Variants in PLA2G4D observed in about 807,000 individuals in gnomAD.
PLA2G4D encodes cytosolic phospholipase A2 delta.
In PLA2G4D, 80 loss-of-function variants were observed where a neutral mutation model predicts 94.4. That is an observed-to-expected ratio of 0.85 (90% CI 0.71 to 1.02). The LOEUF is 1.02. Among genes scored for constraint, PLA2G4D ranks in the 50% least tolerant of loss-of-function variants. The pLI is 0.00. For synonymous variants in PLA2G4D, 438 were observed against 440.9 expected, an observed-to-expected ratio of 0.99 and a Z score of 0.08; for missense variants, 1,050 against 1,034.7, an observed-to-expected ratio of 1.01 and a Z score of -0.20.
rs773408671 is a variant in PLA2G4D, at chr15:42,071,166, C to T, written c.1833G>A (p.Leu611=). The change falls in exon 17 of 20, where the codon CTG becomes CTA. Residue 611 remains leucine (L), a synonymous_variant. Transcript: ENST00000290472. ...CTTTGTGGCTACAGTAGTCCTGGTG[C>T]AGCTGGAGGCCCTGGAGGAAGTTGG... ...RSPNFLQGLQ[L]HQDYCSHKDF... 32 of 1,612,938 alleles carry T rather than the reference C, an allele frequency of 2.0e-5. No homozygotes were observed. Among genetic ancestry groups the T allele is most frequent in the Admixed American group, 1.3e-4 (8 of 59,662 alleles).
chr15:42,088,727 C>A (rs1211899459), intron 1 of PLA2G4D, among the ~76,000 whole-genome samples: 1 of 152,130 alleles, frequency 6.6e-6, no homozygotes, highest in African/African-American at 2.4e-5. Context: ...AGGAGGACCA[C>A]CTATGAGGCA....
At position 42,079,708 on chromosome 15, in the gene PLA2G4D, C is replaced by T; in HGVS notation, c.1146G>A (p.Glu382=). ...GCTCCCGGGCGTATCTGATAGGTCCCTCCAGGTCCCTCTGCGACCACTCAG... is the reference window on the plus strand; with the variant it reads ...GCTCCCGGGCGTATCTGATAGGTCCTTCCAGGTCCCTCTGCGACCACTCAG... ...GDPEWSQRDL[E]GPIRYAREHL... The change falls in exon 13 of 20, where the codon GAG becomes GAA. Residue 382 remains glutamate, a synonymous_variant. Transcript: ENST00000290472. 6.2e-7 allele frequency: 1 copy of T among 1,609,914 alleles called. No homozygotes were observed. The highest frequency in any genetic ancestry group is 8.5e-7 in the Non-Finnish European group (1 of 1,178,578).
chr15:42,081,889 T>C lies in PLA2G4D; in HGVS notation c.784-55A>G. The C allele has an allele frequency of 5.7e-6, 9 of 1,584,180 alleles. No individual in the cohort carries two copies. The South Asian group carries it at 1.0e-4, about 18-fold the overall frequency. On this transcript the variant is annotated intron_variant, in intron 9 of 19. Coordinates refer to ENST00000290472, the MANE Select transcript of PLA2G4D (RefSeq NM_178034.4). The stretch of plus-strand genomic sequence containing the variant: ...ACCCTCCTAGACCCTAAGCGGCACA[T>C]GGGTATCCCTGGGGACTTGGTCCCC...
At chr15:42,091,533 G>C (rs905646666) in intron 1 of PLA2G4D, among the ~76,000 whole-genome samples, 1 of 152,194 alleles carries the variant, frequency 6.6e-6, no homozygotes, top group African/African-American at 2.4e-5. Flanking sequence ...TAGCGGTAGC[G>C]AAAAGTGTCA....
intron 5 of PLA2G4D, 139 bp from the exon 6 acceptor site, chr15:42,085,277 G>A (rs1207704620): frequency 2.8e-6 from 3 of 1,062,606 alleles, no homozygotes; most frequent in Non-Finnish European, 4.3e-6. Flanking sequence ...ATGCTTTGCA[G>A]GAGGAGAGGG....
intron 1 of PLA2G4D, among the ~76,000 whole-genome samples, chr15:42,088,486 C>A (rs1890193482): frequency 1.3e-5 from 2 of 152,316 alleles, no homozygotes; most frequent in South Asian, 4.1e-4. Flanking sequence ...GGTGTCCCCA[C>A]ACCCTACTGC....
intron 13 of PLA2G4D, among the ~76,000 whole-genome samples, chr15:42,075,398 G>A (rs810325): frequency 0.089 from 13,618 of 152,188 alleles, 660 homozygotes; most frequent in South Asian, 0.18. Flanking sequence ...CACTCAGCAG[G>A]AAAGTCAGTT....
chr15:42,092,918 C>G (rs1201896349), intron 1 of PLA2G4D, among the ~76,000 whole-genome samples: 3 of 152,178 alleles, frequency 2.0e-5, no homozygotes, highest in Non-Finnish European at 4.4e-5. Context: ...GCAGACCCAC[C>G]CTGTCGTCTG....
chr15:42,083,446 A>G (rs759599250), intron 7 of PLA2G4D, 112 bp from the exon 8 acceptor site: 138 of 1,455,934 alleles, frequency 9.5e-5, no homozygotes, highest in Non-Finnish European at 1.2e-4. Context: ...AGGCTGGGCC[A>G]TCGTCAACAG....
chr15:42,081,236 C>T, intron 11 of PLA2G4D, 103 bp from the exon 12 acceptor site: 1 of 1,511,444 alleles, frequency 6.6e-7, no homozygotes, highest in Non-Finnish European at 8.9e-7. Context: ...GAAGGGACCG[C>T]ATAGTTGGGT....
chr15:42,083,137 C>T, intron 8 of PLA2G4D, 61 bp downstream of exon 8: 2 of 1,564,952 alleles, frequency 1.3e-6, no homozygotes, highest in Non-Finnish European at 1.7e-6. Flanking sequence ...AGGGAGGGGC[C>T]CGCTGCAGCT....
At chr15:42,079,230 CA>C (rs1446830063) in intron 13 of PLA2G4D, among the ~76,000 whole-genome samples, 1 of 152,192 alleles carries the variant, frequency 6.6e-6, no homozygotes, top group Non-Finnish European at 1.5e-5. Context: ...CAGTAAATTT[CA>C]TATTGCAGGA....
rs766866352 is a variant in PLA2G4D, at chr15:42,085,104, CTT to C, written c.461_462del (p.Lys154SerfsTer40). The C allele has an allele frequency of 6.2e-7, 1 of 1,614,208 alleles. No individual in the cohort carries two copies. The highest frequency in any genetic ancestry group is 1.1e-5 in the South Asian group (1 of 91,084). On this transcript the variant is annotated frameshift_variant, in exon 6 of 20. Transcript: ENST00000290472. LOFTEE classifies it high-confidence loss of function. ...CTGGGGAAGGTGCTTACCACAATGA[CTT>C]TGTTGGTGATGAGGTTTTCTGGGCG... ...SDRPENLITNKVIVARELSCL... is the reference protein window; with the variant it reads ...SDRPENLITNXVIVARELSCL...
chr15:42,074,267 C>A (rs1040953504), intron 13 of PLA2G4D, among the ~76,000 whole-genome samples: 7 of 152,102 alleles, frequency 4.6e-5, no homozygotes, highest in Non-Finnish European at 8.8e-5. Flanking sequence ...AGTCTCTAAC[C>A]CCCCAGTTTC....
In PLA2G4D at chr15:42,087,358, TC is replaced by T. The variant is rs759010264; in HGVS notation, c.196del (p.Asp66ThrfsTer74). ...GMKFKTKTLT[D>X]TSHPVWNEAF... ...CTCATTCCACACAGGATGACTGGTGTCGGTGAGCGTCTTGGTCTTAAACTTC... is the reference window on the plus strand; with the variant it reads ...CTCATTCCACACAGGATGACTGGTGTGGTGAGCGTCTTGGTCTTAAACTTC... On this transcript the variant is annotated frameshift_variant, in exon 3 of 20. Transcript: ENST00000290472. LOFTEE classifies it high-confidence loss of function. 3 of 1,614,160 alleles carry T rather than the reference TC, an allele frequency of 1.9e-6. No homozygotes were observed. In the Admixed American group the frequency reaches 5.0e-5, roughly 27 times the overall value.
At chr15:42,086,806 C>T (rs1566865541) in intron 3 of PLA2G4D, among the ~76,000 whole-genome samples, 1 of 152,152 alleles carries the variant, frequency 6.6e-6, no homozygotes, top group African/African-American at 2.4e-5. Flanking sequence ...GAGCCCAGTT[C>T]GCGCCATTCA....
In PLA2G4D at chr15:42,070,717, C is replaced by T. The variant is rs1397382208; in HGVS notation, c.2043G>A (p.Glu681=). ...GGTTCCCCTGGGGTGACCAGGGTACCTCGAAGGGCGCAGATAGGGAGTAGT... is the reference window on the plus strand; with the variant it reads ...GGTTCCCCTGGGGTGACCAGGGTACTTCGAAGGGCGCAGATAGGGAGTAGT... ...SFDYSLSAPF[E]ALQQTELYCR... Residue 681 remains glutamate (E), a splice_region_variant and synonymous_variant, in exon 18 of 20, where the codon GAG becomes GAA. Transcript: ENST00000290472. 7.1e-6 allele frequency: 11 copies of T among 1,553,622 alleles called. No homozygotes were observed. The highest frequency in any genetic ancestry group is 9.6e-6 in the Non-Finnish European group (11 of 1,147,886).
At position 42,071,882 on chromosome 15, in the gene PLA2G4D, C is replaced by A. The variant is rs72489212; in HGVS notation, c.1465G>T (p.Gly489Cys). ...ACGAAGGCCCCGTACTTCAGGAAAC[C>A]GACCTCATAGGGGGAGAACTCAACC... ...EWVEFSPYEV[G>C]FLKYGAFVPP... is the part of the protein sequence containing the mutation. The change falls in exon 15 of 20, where the codon GGT becomes TGT. Residue 489 changes from glycine to cysteine, a missense_variant. Physicochemically the swap from Gly to Cys is radical, Grantham distance 159. Transcript: ENST00000290472. 1.9e-3 allele frequency: 3,055 copies of A among 1,614,152 alleles called. 77 individuals carry two copies. In the East Asian group the frequency reaches 0.054, roughly 29 times the overall value.
chr15:42,076,056 C>T lies in PLA2G4D; in HGVS notation c.1317+3481G>A, dbSNP rs574945293. Among the ~76,000 whole-genome samples, 33 of 152,302 alleles carry T rather than the reference C, an allele frequency of 2.2e-4. 1 individual carries two copies. Among genetic ancestry groups the T allele is most frequent in the Middle Eastern group, 6.8e-3 (2 of 294 alleles). On this transcript the variant is annotated intron_variant, in intron 13 of 19. Coordinates refer to ENST00000290472, the MANE Select transcript of PLA2G4D (RefSeq NM_178034.4). ...TGGCCTATCAGATACCAAGATTTAT[C>T]ACAAAACTTTAGTCAGTGTGCTGTT...
Sources: allele counts gnomAD v4.1 joint callset (sites outside exome capture counted in the v4.1 genomes callset), GRCh38; gene constraint gnomAD v4.1.1; transcripts MANE v1.5; gene names NCBI Gene and HGNC (gene_info 2026-07-23, HGNC 2026-07-21).